Variants in HGD observed in about 807,000 individuals in gnomAD.
HGD encodes homogentisate oxidase.
In HGD, 61 loss-of-function variants were observed where a neutral mutation model predicts 60.8. The observed-to-expected ratio is 1.00, with a 90% confidence interval of 0.82 to 1.24. The LOEUF is 1.24. HGD is among the 50% of genes most tolerant of loss of function. The pLI is 0.00. For missense variants in HGD, 542 were observed against 547.1 expected (o/e 0.99, Z 0.09); for synonymous variants, 212 against 187.7 (o/e 1.13, Z -1.06).
rs150813982 is a variant in HGD at position 120,640,412 on chromosome 3, G to A, written c.879+1177C>T. On this transcript the variant is annotated intron_variant, in intron 11 of 13. Coordinates refer to ENST00000283871, the MANE Select transcript of HGD (RefSeq NM_000187.4). Reference sequence around the variant, plus strand: ...GGGGCAAGAGGTGATACTGGAAAATGAGTCCAGGGACAGATGGTGAAGAGC... The same window carrying A: ...GGGGCAAGAGGTGATACTGGAAAATAAGTCCAGGGACAGATGGTGAAGAGC... Among the ~76,000 whole-genome samples, 349 of 152,278 alleles carry A rather than the reference G, an allele frequency of 2.3e-3. 3 individuals are homozygous for A. The highest frequency in any genetic ancestry group is 8.2e-3 in the African/African-American group (340 of 41,560).
intron 4 of HGD, among the ~76,000 whole-genome samples, chr3:120,669,274 A>G (rs1209799840): frequency 1.3e-5 from 2 of 152,124 alleles, no homozygotes; most frequent in African/African-American, 4.8e-5. Context: ...AAACAAAAAA[A>G]AAACCATGAG....
At chr3:120,652,195 C>A (rs982711626) in intron 5 of HGD, among the ~76,000 whole-genome samples, 1 of 151,782 alleles carries the variant, frequency 6.6e-6, no homozygotes, top group African/African-American at 2.4e-5. Context: ...GTATTTTTAT[C>A]GTTATATTTC....
chr3:120,640,809 G>T (rs147593991), intron 11 of HGD, among the ~76,000 whole-genome samples: 35 of 152,092 alleles, frequency 2.3e-4, no homozygotes, highest in Non-Finnish European at 3.7e-4. Context: ...GGAGAGGTAG[G>T]TTTGTCCCCC....
Position 120,674,957 on chromosome 3 carries a change from A to G in HGD, c.120T>C (p.Tyr40=), listed in dbSNP as rs369064890. The change falls in exon 3 of 14, where the codon TAT becomes TAC. Residue 40 remains tyrosine, a synonymous_variant. Transcript: ENST00000283871. ...NNPQVCPYNL[Y]AEQLSGSAFT... ...AAGCCGATCCTGAGAGCTGCTCAGCATAGAGATTGTAGGGGCAGACCTGAG... is the reference window on the plus strand; with the variant it reads ...AAGCCGATCCTGAGAGCTGCTCAGCGTAGAGATTGTAGGGGCAGACCTGAG... 8.1e-6 allele frequency: 13 copies of G among 1,611,892 alleles called. No homozygotes were observed. Among genetic ancestry groups the G allele is most frequent in the Non-Finnish European group, 1.1e-5 (13 of 1,178,350 alleles).
chr3:120,636,812 G>A (rs1576287891), intron 12 of HGD, among the ~76,000 whole-genome samples: 1 of 152,190 alleles, frequency 6.6e-6, no homozygotes, highest in Non-Finnish European at 1.5e-5. Flanking sequence ...TAGCTAAATT[G>A]GCCATTCAGT....
intron 3 of HGD, among the ~76,000 whole-genome samples, chr3:120,672,688 C>T (rs558965510): frequency 6.6e-6 from 1 of 152,264 alleles, no homozygotes; most frequent in Admixed American, 6.5e-5. Flanking sequence ...CTGTGTGATC[C>T]TGGGAGAGTT....
At chr3:120,641,265 C>T (rs941779748) in intron 11 of HGD, among the ~76,000 whole-genome samples, 13 of 152,214 alleles carry the variant, frequency 8.5e-5, no homozygotes, top group East Asian at 3.9e-4. Flanking sequence ...ATTCTACCAC[C>T]GACATTAACA....
At chr3:120,645,317 C>T (rs1220827663) in intron 9 of HGD, among the ~76,000 whole-genome samples, 1 of 152,204 alleles carries the variant, frequency 6.6e-6, no homozygotes, top group Non-Finnish European at 1.5e-5. Flanking sequence ...TCCCACCTTC[C>T]TCTGCATATT....
intron 9 of HGD, among the ~76,000 whole-genome samples, chr3:120,645,496 C>T (rs1329753994): frequency 1.3e-5 from 2 of 152,158 alleles, no homozygotes; most frequent in Admixed American, 6.5e-5. Flanking sequence ...GAGAACAACC[C>T]CTCCTAACAT....
chr3:120,638,374 G>A, intron 12 of HGD, 81 bp downstream of exon 12: 1 of 1,546,796 alleles, frequency 6.5e-7, no homozygotes, highest in Non-Finnish European at 8.9e-7. Context: ...AAATAACCCA[G>A]GCATTATTCC....
intron 4 of HGD, among the ~76,000 whole-genome samples, chr3:120,664,215 A>G (rs1400612638): frequency 1.3e-5 from 2 of 152,134 alleles, no homozygotes; most frequent in Non-Finnish European, 2.9e-5. Flanking sequence ...GTGACAAGGC[A>G]TGAAGAGCTT....
rs752334034 is a variant in HGD at position 120,644,326 on chromosome 3, G to T, written c.767C>A (p.Ala256Asp). The change falls in exon 10 of 14, where the codon GCC (alanine) becomes GAC (aspartate). Residue 256 changes from alanine (A) to aspartate (D), a missense_variant. Transcript: ENST00000283871. Reference protein sequence around the residue: ...INKYQGKLFAAKQDVSPFNVV... With the variant: ...INKYQGKLFADKQDVSPFNVV... ...CCAACCCTTTTACTTTACCTGTTTG[G>T]CAGCAAACAGCTTGCCCTGGTATTT... 1.2e-6 allele frequency: 2 copies of T among 1,613,932 alleles called. No homozygotes were observed. Among genetic ancestry groups the T allele is most frequent in the South Asian group, 1.1e-5 (1 of 91,062 alleles).
chr3:120,670,477 C>T lies in HGD; in HGVS notation c.232G>A (p.Glu78Lys), dbSNP rs748437340. ...TCCCAGTTGTGAGTGACTTGGCCTT[C>T]GTCAATGGATTCAAAGGGCTTGTGA... Reference protein sequence around the residue: ...VSHKPFESIDEGQVTHNWDEV... With the variant: ...VSHKPFESIDKGQVTHNWDEV... The change falls in exon 4 of 14, where the codon GAA (glutamate) becomes AAA (lysine). Residue 78 changes from glutamate (E) to lysine (K), a missense_variant. Physicochemically the swap from Glu to Lys is moderately conservative, Grantham distance 56. Around this residue, in one of 2 missense-constraint regions of HGD, gnomAD observed 537 missense variants for 529.1 expected, o/e 1.01. Transcript: ENST00000283871. The T allele has an allele frequency of 7.4e-6, 12 of 1,611,080 alleles. No homozygotes were observed. Among genetic ancestry groups the T allele is most frequent in the East Asian group, 6.7e-5 (3 of 44,884 alleles).
At chr3:120,629,641 G>A (rs1161512309) in intron 13 of HGD, among the ~76,000 whole-genome samples, 3 of 152,130 alleles carry the variant, frequency 2.0e-5, no homozygotes, top group Non-Finnish European at 4.4e-5. Flanking sequence ...AATAATAAGA[G>A]CCACCTATGA....
chr3:120,631,149 T>C (rs914238875), intron 13 of HGD, among the ~76,000 whole-genome samples: 1 of 151,994 alleles, frequency 6.6e-6, no homozygotes, highest in African/African-American at 2.4e-5. Flanking sequence ...ACCCGAGTGA[T>C]GAAATAATCT....
chr3:120,647,918 C>A lies in HGD; in HGVS notation c.435-7G>T. 6.2e-7 allele frequency: 1 copy of A among 1,605,378 alleles called. No homozygotes were observed. The highest frequency in any genetic ancestry group is 8.5e-7 in the Non-Finnish European group (1 of 1,171,982). On this transcript the variant is annotated splice_region_variant and splice_polypyrimidine_tract_variant and intron_variant, in intron 6 of 13. Coordinates refer to ENST00000283871, the MANE Select transcript of HGD (RefSeq NM_000187.4). ...ATCTGAATTGTAAAAGCATCTGAAA[C>A]ATATAGAGTAATTCTTGTGATTTTC...
Position 120,633,145 on chromosome 3 carries a change from A to G in HGD, c.1188+2T>C. 6.2e-7 allele frequency: 1 copy of G among 1,613,938 alleles called. No homozygotes were observed. Among genetic ancestry groups the G allele is most frequent in the Non-Finnish European group, 8.5e-7 (1 of 1,179,898 alleles). ...CTGGAATGTGGCAGTTAACATACTT[A>G]CCATGGTGCCATCGGCAATCCTCTC... On this transcript the variant is annotated splice_donor_variant, in intron 13 of 13. Transcript: ENST00000283871. LOFTEE classifies it high-confidence loss of function.
intron 3 of HGD, among the ~76,000 whole-genome samples, chr3:120,674,010 C>G (rs928403781): frequency 6.6e-6 from 1 of 152,170 alleles, no homozygotes; most frequent in Non-Finnish European, 1.5e-5. Context: ...CATGATTAAA[C>G]CTTGCAATCT....
At position 120,630,798 on chromosome 3, in the gene HGD, T is replaced by TTATATATATATATATATATATATA. The variant is rs61375071; in HGVS notation, c.1189-2293_1189-2270dup. On this transcript the variant is annotated intron_variant, in intron 13 of 13. Transcript: ENST00000283871. ...ATGGATCTAATTAAACTTAAGAGCT[T>TTATATATATATATATATATATATA]TATATATATATATATATATATATAT... is the stretch of plus-strand genomic sequence containing the variant. Among the ~76,000 whole-genome samples, 120 of 87,960 alleles carry TTATATATATATATATATATATATA rather than the reference T, an allele frequency of 1.4e-3. 1 individual carries two copies. The highest frequency in any genetic ancestry group is 2.9e-3 in the African/African-American group (46 of 16,050). 57.7% of individuals were successfully genotyped at this position (87,960 alleles called of 152,430 possible).
Sources: allele counts gnomAD v4.1 joint callset (sites outside exome capture counted in the v4.1 genomes callset), GRCh38; gene constraint gnomAD v4.1.1; regional missense constraint gnomAD v4.1.1; transcripts MANE v1.5; gene names NCBI Gene and HGNC (gene_info 2026-07-23, HGNC 2026-07-21).